Variants in SLC25A13 observed in about 807,000 individuals in gnomAD.
SLC25A13 encodes the protein electrogenic aspartate/glutamate antiporter SLC25A13, mitochondrial.
A neutral mutation model predicts 85.5 loss-of-function variants in SLC25A13; 70 were observed. The ratio of observed to expected loss-of-function variants is 0.82; its 90% CI spans 0.68 to 1.00. The LOEUF is 1.00. SLC25A13 is among the 50% of genes least tolerant of loss of function. The probability of loss-of-function intolerance (pLI) is 0.00; values close to 1 mark genes in which losing one functional copy is unlikely to be tolerated. For missense variants in SLC25A13, 765 were observed against 819.8 expected (o/e 0.93, Z 0.82); for synonymous variants, 259 against 288.7 (o/e 0.90, Z 1.04).
At chr7:96,132,310 G>A (rs78681351) in intron 14 of SLC25A13, among the ~76,000 whole-genome samples, 2,228 of 152,222 alleles carry the variant, frequency 0.015, 16 homozygotes, top group Non-Finnish European at 0.022. Context: ...TATACAGGTG[G>A]GGGGAAAAGG....
intron 5 of SLC25A13, among the ~76,000 whole-genome samples, chr7:96,200,932 G>A (rs893520060): frequency 1.3e-5 from 2 of 152,136 alleles, no homozygotes; most frequent in Non-Finnish European, 2.9e-5. Flanking sequence ...GCTGGAACGT[G>A]TCCTGCATCT....
chr7:96,279,179 C>T (rs111404823), intron 2 of SLC25A13, among the ~76,000 whole-genome samples: 2 of 152,124 alleles, frequency 1.3e-5, no homozygotes, highest in Admixed American at 6.5e-5. Flanking sequence ...ATTTACACTC[C>T]CACCAACAGT....
chr7:96,138,650 A>C (rs560474548), intron 14 of SLC25A13, among the ~76,000 whole-genome samples: 1 of 152,254 alleles, frequency 6.6e-6, no homozygotes, highest in African/African-American at 2.4e-5. Flanking sequence ...TGCTGGCACT[A>C]GAATTATATG....
chr7:96,306,846 CA>C, intron 1 of SLC25A13: 1 of 1,392,384 alleles, frequency 7.2e-7, no homozygotes, highest in Non-Finnish European at 1.0e-6. Flanking sequence ...CAGAAAAAGG[CA>C]AACGAGAAGA....
chr7:96,223,448 A>G (rs1349849601), intron 4 of SLC25A13, among the ~76,000 whole-genome samples: 3 of 152,166 alleles, frequency 2.0e-5, no homozygotes, highest in African/African-American at 7.2e-5. Flanking sequence ...TCATACTTTG[A>G]ATTTTCAGGG....
intron 4 of SLC25A13, among the ~76,000 whole-genome samples, chr7:96,228,674 G>A (rs984233050): frequency 1.3e-5 from 2 of 152,210 alleles, no homozygotes; most frequent in Non-Finnish European, 2.9e-5. Flanking sequence ...CGAGGCCAGA[G>A]CCAGCTCCCT....
At chr7:96,137,564 G>A (rs761993250) in intron 14 of SLC25A13, among the ~76,000 whole-genome samples, 9 of 152,162 alleles carry the variant, frequency 5.9e-5, no homozygotes, top group African/African-American at 1.9e-4. Flanking sequence ...GTTATCACAT[G>A]GAATTTTAGT....
At chr7:96,242,455 G>A (rs1025686598) in intron 3 of SLC25A13, among the ~76,000 whole-genome samples, 2 of 152,176 alleles carry the variant, frequency 1.3e-5, no homozygotes, top group African/African-American at 2.4e-5. Context: ...CCCCTTGATG[G>A]ACTTCCTTCT....
At chr7:96,286,527 A>G (rs1431983744) in intron 2 of SLC25A13, among the ~76,000 whole-genome samples, 1 of 152,094 alleles carries the variant, frequency 6.6e-6, no homozygotes, top group Non-Finnish European at 1.5e-5. Flanking sequence ...CGTAATTCAA[A>G]CATTACCACC....
chr7:96,277,786 C>A (rs1399588327), intron 2 of SLC25A13, among the ~76,000 whole-genome samples: 5 of 129,658 alleles, frequency 3.9e-5, no homozygotes, highest in Non-Finnish European at 8.3e-5. Flanking sequence ...TTAGCAAAGG[C>A]ACATAGCTTT....
At chr7:96,227,308 A>G (rs1221058564) in intron 4 of SLC25A13, among the ~76,000 whole-genome samples, 1 of 152,220 alleles carries the variant, frequency 6.6e-6, no homozygotes, top group Non-Finnish European at 1.5e-5. Flanking sequence ...GTTATTAAAT[A>G]AACTTTTATT....
At chr7:96,171,580 A>C in intron 11 of SLC25A13, 56 bp from the exon 12 acceptor site, 1 of 1,460,634 alleles carries the variant, frequency 6.8e-7, no homozygotes, top group Non-Finnish European at 9.6e-7. Context: ...AACTAAACAA[A>C]TCAACAGTTC....
Position 96,121,919 on chromosome 7 carries a change from G to A in SLC25A13, c.1670C>T (p.Thr557Ile), listed in dbSNP as rs771352563. 6.2e-7 allele frequency: 1 copy of A among 1,614,038 alleles called. No individual in the cohort carries two copies. Among genetic ancestry groups the A allele is most frequent in the Non-Finnish European group, 8.5e-7 (1 of 1,180,026 alleles). ...RLQVAARAGQ[T>I]TYSGVIDCFR... Reference sequence around the variant, plus strand: ...GCAGTCTATCACTCCGCTGTAAGTGGTTTGGCCAGCCCGGGCAGCCACCTG... The same window carrying A: ...GCAGTCTATCACTCCGCTGTAAGTGATTTGGCCAGCCCGGGCAGCCACCTG... Residue 557 changes from threonine to isoleucine, a missense_variant, in exon 16 of 18, where the codon ACC (threonine) becomes ATC (isoleucine). By Grantham distance (89) the Thr-to-Ile change is moderately conservative. Coordinates refer to ENST00000265631, the MANE Select transcript of SLC25A13 (RefSeq NM_014251.3).
intron 5 of SLC25A13, among the ~76,000 whole-genome samples, chr7:96,198,354 G>A (rs1418703104): frequency 6.6e-6 from 1 of 152,174 alleles, no homozygotes; most frequent in Non-Finnish European, 1.5e-5. Flanking sequence ...AAAGTCTCTT[G>A]CAATATGAAA....
At chr7:96,306,544 A>G (rs1400562798) in intron 1 of SLC25A13, among the ~76,000 whole-genome samples, 1 of 151,380 alleles carries the variant, frequency 6.6e-6, no homozygotes, top group Non-Finnish European at 1.5e-5. Context: ...TTGTTCTCCT[A>G]CGATGGGAGT....
At chr7:96,243,724 G>A (rs1284516278) in intron 3 of SLC25A13, among the ~76,000 whole-genome samples, 1 of 152,138 alleles carries the variant, frequency 6.6e-6, no homozygotes, top group East Asian at 1.9e-4. Context: ...AGAGTTGGAG[G>A]ACAGGGATGT....
intron 3 of SLC25A13, among the ~76,000 whole-genome samples, chr7:96,265,130 C>T (rs1230286278): frequency 6.6e-6 from 1 of 152,162 alleles, no homozygotes; most frequent in Admixed American, 6.6e-5. Flanking sequence ...TGGCAATGTG[C>T]AATCTGAAAC....
chr7:96,290,880 A>C (rs1273241770), intron 2 of SLC25A13, among the ~76,000 whole-genome samples: 2 of 152,182 alleles, frequency 1.3e-5, no homozygotes, highest in Non-Finnish European at 2.9e-5. Context: ...CGAGACAGAA[A>C]GTTAACAAGG....
chr7:96,170,209 G>T (rs1219996110), intron 12 of SLC25A13, 84 bp from the exon 13 acceptor site: 2 of 1,224,512 alleles, frequency 1.6e-6, no homozygotes, highest in East Asian at 4.7e-5. Context: ...GTCAATATAT[G>T]CTATTTTTTT....
Sources: gnomAD v4.1 joint callset for allele counts (sites outside exome capture counted in the v4.1 genomes callset) on GRCh38, gnomAD v4.1.1 for gene constraint, MANE v1.5 for transcripts, NCBI Gene and HGNC (gene_info 2026-07-23, HGNC 2026-07-21) for gene names.